C22orf42: variants seen among roughly 807,000 people sequenced by gnomAD.
C22orf42 encodes the protein chromosome 22 open reading frame 42.
C22orf42 carries 24 observed loss-of-function variants against 31.4 expected under a neutral mutation model. The ratio of observed to expected loss-of-function variants is 0.77; its 90% CI spans 0.55 to 1.08. The LOEUF is 1.08. C22orf42 is among the 50% of genes least tolerant of loss of function. The pLI, the probability that C22orf42 is intolerant of heterozygous loss-of-function variation, is 0.00. For synonymous variants in C22orf42, 96 were observed against 112.7 expected (o/e 0.85, Z 0.94); for missense variants, 276 against 327.3 (o/e 0.84, Z 1.21).
intron 4 of C22orf42, among the ~76,000 whole-genome samples, chr22:32,151,816 G>T (rs1450993701): frequency 6.6e-6 from 1 of 152,164 alleles, no homozygotes; most frequent in Non-Finnish European, 1.5e-5. Flanking sequence ...ACAGAAAGGC[G>T]CTGTACTATA....
Position 32,154,297 on chromosome 22 carries a change from C to T in C22orf42, c.254G>A (p.Arg85His), listed in dbSNP as rs151127644. The T allele has an allele frequency of 9.5e-5, 153 of 1,612,456 alleles. No individual in the cohort carries two copies. Among genetic ancestry groups the T allele is most frequent in the African/African-American group, 7.5e-4 (56 of 74,930 alleles). Residue 85 changes from arginine to histidine, a missense_variant, in exon 2 of 9, where the codon CGC becomes CAC. Physicochemically the swap from Arg to His is conservative, Grantham distance 29 (BLOSUM62 0). Coordinates refer to ENST00000382097, the MANE Select transcript of C22orf42 (RefSeq NM_001010859.3). ...MSKGLDARSK[R>H]WLKIIWRRHG... ...CCGTCTCCATATTATTTTTAACCAG[C>T]GCTTGGAGCGGGCGTCCAAACCTGC...
At chr22:32,153,319 G>A (rs775605073) in intron 2 of C22orf42, among the ~76,000 whole-genome samples, 112 of 152,286 alleles carry the variant, frequency 7.4e-4, no homozygotes, top group Middle Eastern at 3.4e-3. Context: ...CAGTAATGTT[G>A]ATAAACCTCT....
intron 3 of C22orf42, 149 bp downstream of exon 3, chr22:32,152,413 T>C: frequency 1.4e-6 from 1 of 714,090 alleles, no homozygotes; most frequent in Non-Finnish European, 2.4e-6. Context: ...AGGCCTCAGT[T>C]GGTCATAACC....
chr22:32,159,605 G>A (rs1921486465), upstream of C22orf42: 2 of 483,784 alleles, frequency 4.1e-6, no homozygotes. Context: ...GGTTACTAAA[G>A]TCAGTTCCAT....
chr22:32,151,064 T>A lies in C22orf42; in HGVS notation c.466-45A>T, dbSNP rs547358452. The A allele has an allele frequency of 7.9e-5, 126 of 1,601,620 alleles. No homozygotes were observed. In the South Asian group the frequency reaches 9.0e-4, roughly 11 times the overall value. ...AAAGAAACACCATGAGGATCAGATC[T>A]TGCTGGGTTCTGTTGGCAAAGGCCT... On this transcript the variant is annotated intron_variant, in intron 5 of 8. Coordinates refer to ENST00000382097, the MANE Select transcript of C22orf42 (RefSeq NM_001010859.3).
At position 32,154,294 on chromosome 22, in the gene C22orf42, C is replaced by G. The variant is rs757560979; in HGVS notation, c.257G>C (p.Trp86Ser). ...SKGLDARSKR[W>S]LKIIWRRHGI... The stretch of plus-strand genomic sequence containing the variant: ...GTGCCGTCTCCATATTATTTTTAAC[C>G]AGCGCTTGGAGCGGGCGTCCAAACC... The change falls in exon 2 of 9, where the codon TGG becomes TCG. Residue 86 changes from tryptophan (W) to serine (S), a missense_variant. Transcript: ENST00000382097. The G allele has an allele frequency of 1.9e-6, 3 of 1,612,180 alleles. No homozygotes were observed. In the Admixed American group the frequency reaches 5.0e-5, roughly 27 times the overall value.
Position 32,151,039 on chromosome 22 carries a change from A to C in C22orf42, c.466-20T>G, listed in dbSNP as rs2094112363. On this transcript the variant is annotated intron_variant, in intron 5 of 8. Coordinates refer to ENST00000382097, the MANE Select transcript of C22orf42 (RefSeq NM_001010859.3). Reference sequence around the variant, plus strand: ...TATTTCCTGCAGTAAGAGAAAAGAAAAAGAAACACCATGAGGATCAGATCT... The same window carrying C: ...TATTTCCTGCAGTAAGAGAAAAGAACAAGAAACACCATGAGGATCAGATCT... 1 of 1,609,886 alleles carries C rather than the reference A, an allele frequency of 6.2e-7. No individual in the cohort carries two copies. The highest frequency in any genetic ancestry group is 1.1e-5 in the South Asian group (1 of 89,052).
In C22orf42 at chr22:32,159,210, C is replaced by T. The variant is rs758805085; in HGVS notation, c.6G>A (p.Gly2=). The part of the protein sequence containing the change: M[G]SKLTCCLGPS... ...GGCCCAGGCAGCAAGTCAGTTTGCT[C>T]CCCATTGGGCACCTAAACACACAAA... Residue 2 remains glycine (G), a synonymous_variant, in exon 1 of 9, where the codon GGG becomes GGA. Coordinates refer to ENST00000382097, the MANE Select transcript of C22orf42 (RefSeq NM_001010859.3). The T allele has an allele frequency of 2.3e-5, 37 of 1,612,844 alleles. No homozygotes were observed. The highest frequency in any genetic ancestry group is 2.9e-5 in the Non-Finnish European group (34 of 1,179,992).
intron 1 of C22orf42, among the ~76,000 whole-genome samples, chr22:32,156,939 A>G (rs1921290782): frequency 1.3e-5 from 2 of 152,202 alleles, no homozygotes; most frequent in Admixed American, 1.3e-4. Context: ...GCCATTTTGC[A>G]TTTCCACCAG....
intron 2 of C22orf42, among the ~76,000 whole-genome samples, chr22:32,153,918 G>A (rs1921112885): frequency 6.6e-6 from 1 of 151,818 alleles, no homozygotes; most frequent in African/African-American, 2.4e-5. Flanking sequence ...AGCTACTTGG[G>A]AGGCTGAGGT....
upstream of C22orf42, chr22:32,160,069 G>C (rs1193309940): frequency 2.0e-5 from 3 of 152,224 alleles, no homozygotes; most frequent in African/African-American, 7.2e-5. Flanking sequence ...TGGCAAGCCT[G>C]ACAGTATTCC....
intron 2 of C22orf42, among the ~76,000 whole-genome samples, chr22:32,153,091 A>G (rs1480460065): frequency 2.0e-5 from 3 of 152,240 alleles, no homozygotes; most frequent in Non-Finnish European, 4.4e-5. Flanking sequence ...GTGCATTTTA[A>G]TGAGATTACA....
intron 7 of C22orf42, 77 bp downstream of exon 7, chr22:32,150,242 T>G (rs2094110241): frequency 7.0e-7 from 1 of 1,428,586 alleles, no homozygotes; most frequent in Non-Finnish European, 9.8e-7. Flanking sequence ...GGTCAGATTT[T>G]TATATCTTCA....
chr22:32,158,753 T>A (rs1921412554), intron 1 of C22orf42, among the ~76,000 whole-genome samples: 1 of 152,148 alleles, frequency 6.6e-6, no homozygotes, highest in African/African-American at 2.4e-5. Context: ...GAAATTTTAC[T>A]GAGAAAAGGG....
Position 32,152,582 on chromosome 22 carries a change from C to T in C22orf42, c.352G>A (p.Glu118Lys), listed in dbSNP as rs866155344. The T allele has an allele frequency of 1.9e-6, 3 of 1,613,078 alleles. No homozygotes were observed. The highest frequency in any genetic ancestry group is 2.5e-6 in the Non-Finnish European group (3 of 1,179,232). Reference protein sequence around the residue: ...VQASAHGGVEENMTSDIEIPE... With the variant: ...VQASAHGGVEKNMTSDIEIPE... The stretch of plus-strand genomic sequence containing the variant: ...CTTACAATATCTGATGTCATATTCT[C>T]CTCCACACCGCCGTGTGCAGACGCC... The change falls in exon 3 of 9, where the codon GAG becomes AAG. Residue 118 changes from glutamate (E) to lysine (K), a missense_variant. Glu to Lys is a moderately conservative substitution (Grantham distance 56). Coordinates refer to ENST00000382097, the MANE Select transcript of C22orf42 (RefSeq NM_001010859.3).
chr22:32,159,537 A>AG (rs972136549), upstream of C22orf42: 2 of 1,149,308 alleles, frequency 1.7e-6, no homozygotes, highest in East Asian at 1.0e-4. Flanking sequence ...AGAAAAGTGC[A>AG]GGGGTTGGAG....
In C22orf42 at chr22:32,159,013, T is replaced by C; in HGVS notation, c.203A>G (p.Lys68Arg). Residue 68 changes from lysine (K) to arginine (R), a missense_variant, in exon 1 of 9, where the codon AAG becomes AGG. Coordinates refer to ENST00000382097, the MANE Select transcript of C22orf42 (RefSeq NM_001010859.3). Reference protein sequence around the residue: ...AQLMQYLSLPKTPKMLKMSKG... With the variant: ...AQLMQYLSLPRTPKMLKMSKG... The stretch of plus-strand genomic sequence containing the variant: ...GGACATCTTCAGCATCTTCGGCGTC[T>C]TCGGGAGGCTGAGGTACTGCATGAG... 6.2e-7 allele frequency: 1 copy of C among 1,614,206 alleles called. No individual in the cohort carries two copies.
At chr22:32,154,341 T>C in intron 1 of C22orf42, 23 bp from the exon 2 acceptor site, 1 of 1,607,872 alleles carries the variant, frequency 6.2e-7, no homozygotes, top group Non-Finnish European at 8.5e-7. Flanking sequence ...GCAGACTTCT[T>C]ATAGATTCTA....
At chr22:32,159,522 T>C, upstream of C22orf42, 1 of 1,228,894 alleles carries the variant, frequency 8.1e-7, no homozygotes, top group Non-Finnish European at 1.0e-6. Flanking sequence ...AGCTTTCCAG[T>C]CCTGAGAAAA....
Sources: gnomAD v4.1 joint callset for allele counts (sites outside exome capture counted in the v4.1 genomes callset) on GRCh38, gnomAD v4.1.1 for gene constraint, MANE v1.5 for transcripts, NCBI Gene and HGNC (gene_info 2026-07-23, HGNC 2026-07-21) for gene names.